PRIM2: variants seen among roughly 807,000 people sequenced by gnomAD.
The protein encoded by PRIM2 is DNA primase subunit 2.
Under a neutral mutation model 67.3 loss-of-function variants are expected in PRIM2, and 39 were observed. That is an observed-to-expected ratio of 0.58 (90% CI 0.45 to 0.76). The LOEUF (loss-of-function observed/expected upper bound fraction) is 0.76. Among genes scored for constraint, PRIM2 ranks in the 30% least tolerant of loss-of-function variants. The pLI is 0.00. For missense variants in PRIM2, 398 were observed against 598.7 expected (o/e 0.66, Z 3.50); for synonymous variants, 143 against 198.7 (o/e 0.72, Z 2.36).
chr6:57,442,909 AC>A (rs1772244950), intron 7 of PRIM2, among the ~76,000 whole-genome samples: 1 of 152,030 alleles, frequency 6.6e-6, no homozygotes, highest in Non-Finnish European at 1.5e-5. Context: ...GATATTTTGT[AC>A]CCTTTGATCA....
At chr6:57,601,596 T>C (rs1264615349) in intron 11 of PRIM2, among the ~76,000 whole-genome samples, 2 of 152,214 alleles carry the variant, frequency 1.3e-5, no homozygotes, top group South Asian at 2.1e-4. Context: ...AGTAGATTCA[T>C]TAATTTTCCA....
chr6:57,411,720 T>C (rs540770475), intron 7 of PRIM2, among the ~76,000 whole-genome samples: 1 of 152,244 alleles, frequency 6.6e-6, no homozygotes, highest in African/African-American at 2.4e-5. Context: ...CCTTTTTTTA[T>C]ATATTACTGA....
At chr6:57,262,022 T>G in the PRIM2 span, among the ~76,000 whole-genome samples, 4 of 152,248 alleles carry the variant, frequency 2.6e-5, no homozygotes, top group East Asian at 7.7e-4. Flanking sequence ...GCCAGAACCC[T>G]GGCTAGTATC....
At chr6:57,287,855 T>C in the PRIM2 span, among the ~76,000 whole-genome samples, 3 of 152,134 alleles carry the variant, frequency 2.0e-5, no homozygotes, top group African/African-American at 7.2e-5. Context: ...CCCAGCAAGA[T>C]TGACACAGAA....
chr6:57,330,679 G>A (rs559848386), intron 5 of PRIM2, among the ~76,000 whole-genome samples: 91 of 152,196 alleles, frequency 6.0e-4, no homozygotes, highest in African/African-American at 2.1e-3. Flanking sequence ...AGTGGCAATA[G>A]CAGTGATCAT....
chr6:57,297,143 T>C, the PRIM2 span, among the ~76,000 whole-genome samples: 1 of 152,072 alleles, frequency 6.6e-6, no homozygotes, highest in African/African-American at 2.4e-5. Context: ...AGAGAAGAAG[T>C]GACGGAAATA....
the PRIM2 span, among the ~76,000 whole-genome samples, chr6:57,242,543 A>T: frequency 6.6e-6 from 1 of 152,212 alleles, no homozygotes; most frequent in East Asian, 1.9e-4. Flanking sequence ...TTTCCAAACC[A>T]ATATGATGGT....
chr6:57,414,225 T>C (rs2127366361), intron 7 of PRIM2, among the ~76,000 whole-genome samples: 1 of 152,256 alleles, frequency 6.6e-6, no homozygotes, highest in East Asian at 1.9e-4. Context: ...TCCCTTTTGA[T>C]ATCTTCTTCA....
At chr6:57,551,844 G>A (rs1317739942) in intron 10 of PRIM2, among the ~76,000 whole-genome samples, 9 of 152,146 alleles carry the variant, frequency 5.9e-5, no homozygotes, top group Non-Finnish European at 8.8e-5. Flanking sequence ...GGGTGGTCAT[G>A]GAAGGCTTAA....
At chr6:57,355,236 G>A (rs761028866) in intron 5 of PRIM2, among the ~76,000 whole-genome samples, 64 of 151,818 alleles carry the variant, frequency 4.2e-4, no homozygotes, top group African/African-American at 9.4e-4. Context: ...CTCGAGAGGC[G>A]GAGGTTGCAG....
intron 12 of PRIM2, among the ~76,000 whole-genome samples, chr6:57,623,632 T>G (rs1776896176): frequency 6.6e-6 from 1 of 152,176 alleles, no homozygotes; most frequent in Non-Finnish European, 1.5e-5. Flanking sequence ...ATAAAACTAT[T>G]CTAACTTAGT....
intron 7 of PRIM2, among the ~76,000 whole-genome samples, chr6:57,421,870 A>G (rs1304223164): frequency 6.6e-6 from 1 of 152,190 alleles, no homozygotes; most frequent in African/African-American, 2.4e-5. Context: ...TTATCTGCTG[A>G]AAATCAAAGT....
At chr6:57,248,519 G>A in the PRIM2 span, among the ~76,000 whole-genome samples, 2 of 152,278 alleles carry the variant, frequency 1.3e-5, no homozygotes, top group East Asian at 1.9e-4. Flanking sequence ...GGGTGGGAGT[G>A]GGATTGAGCA....
At chr6:57,240,103 T>TTTTG in the PRIM2 span, among the ~76,000 whole-genome samples, 9,134 of 97,128 alleles carry the variant, frequency 0.094, 292 homozygotes, top group Non-Finnish European at 0.13. Context: ...TTTTTTTTTT[T>TTTTG]TTTTTTTTTT....
intron 10 of PRIM2, among the ~76,000 whole-genome samples, chr6:57,582,668 C>T (rs1238577568): frequency 1.3e-5 from 2 of 151,858 alleles, no homozygotes; most frequent in Non-Finnish European, 2.9e-5. Flanking sequence ...TTCAGATGGC[C>T]CTTGAAGCAA....
intron 10 of PRIM2, among the ~76,000 whole-genome samples, chr6:57,552,649 C>T (rs1436744560): frequency 2.0e-5 from 3 of 152,220 alleles, no homozygotes; most frequent in African/African-American, 7.2e-5. Flanking sequence ...TTTGTCTCCA[C>T]ATCTTTGGAC....
At chr6:57,379,240 A>C (rs1769873839) in intron 5 of PRIM2, among the ~76,000 whole-genome samples, 2 of 123,528 alleles carry the variant, frequency 1.6e-5, no homozygotes, top group African/African-American at 6.3e-5. Flanking sequence ...GAAAGCTTAC[A>C]TACTGCCAAC....
At chr6:57,411,341 C>T (rs2224390) in intron 7 of PRIM2, among the ~76,000 whole-genome samples, 8 of 152,264 alleles carry the variant, frequency 5.3e-5, no homozygotes, top group South Asian at 4.1e-4. Context: ...CTATAATCCT[C>T]GCACTTTGGG....
chr6:57,386,330 A>C (rs894509292), intron 7 of PRIM2, among the ~76,000 whole-genome samples: 6 of 145,918 alleles, frequency 4.1e-5, no homozygotes, highest in African/African-American at 1.5e-4. Context: ...GGGTGGGGGG[A>C]TCACTTGAGC....
Sources: allele counts gnomAD v4.1 joint callset (sites outside exome capture counted in the v4.1 genomes callset), GRCh38; gene constraint gnomAD v4.1.1; transcripts MANE v1.5; gene names NCBI Gene and HGNC (gene_info 2026-07-23, HGNC 2026-07-21).